Variants in THADA observed in about 807,000 individuals in gnomAD.
The protein encoded by THADA is tRNA (32-2'-O)-methyltransferase regulator THADA.
A neutral mutation model predicts 219.8 loss-of-function variants in THADA; 213 were observed. The ratio of observed to expected loss-of-function variants is 0.97; its 90% CI spans 0.87 to 1.09. The LOEUF is 1.09. Among genes scored for constraint, THADA ranks in the 50% least tolerant of loss-of-function variants. THADA has a pLI of 0.00. For synonymous variants in THADA, 1,018 were observed against 828.9 expected (o/e 1.23, Z -3.92); for missense variants, 2,956 against 2,311.3 (o/e 1.28, Z -5.72).
chr2:43,572,012 G>C, intron 12 of THADA, 150 bp from the exon 13 acceptor site: 2 of 630,348 alleles, frequency 3.2e-6, no homozygotes, highest in Non-Finnish European at 5.4e-6. Context: ...TAATCTCAAA[G>C]ATCCTAGGGT....
intron 26 of THADA, among the ~76,000 whole-genome samples, chr2:43,448,560 C>CTTTTTTTTTTTTTTTTTTTTCTTTTTT (rs71410179): frequency 9.7e-6 from 1 of 103,626 alleles, no homozygotes; most frequent in African/African-American, 3.6e-5. Flanking sequence ...TTCTTCCTTT[C>CTTTTTTTTTTTTTTTTTTTTCTTTTTT]TTTTTTTTTT....
chr2:43,513,549 A>G (rs908264407), intron 22 of THADA, among the ~76,000 whole-genome samples: 1 of 152,216 alleles, frequency 6.6e-6, no homozygotes, highest in African/African-American at 2.4e-5. Context: ...GGAAAAGCCA[A>G]GGGCACAGGG....
chr2:43,494,306 C>A (rs1688002588), intron 25 of THADA, among the ~76,000 whole-genome samples: 1 of 152,184 alleles, frequency 6.6e-6, no homozygotes, highest in African/African-American at 2.4e-5. Context: ...TTGGTAATAT[C>A]ATTCATCTTT....
intron 26 of THADA, among the ~76,000 whole-genome samples, chr2:43,455,097 G>C (rs939213841): frequency 5.9e-5 from 9 of 152,080 alleles, no homozygotes; most frequent in Non-Finnish European, 1.3e-4. Context: ...ACTTCTGTAA[G>C]TTGAATGTTC....
intron 28 of THADA, among the ~76,000 whole-genome samples, chr2:43,413,502 C>T (rs1325745581): frequency 6.6e-6 from 1 of 152,136 alleles, no homozygotes; most frequent in Non-Finnish European, 1.5e-5. Context: ...TGCCAGATAC[C>T]ACAGATGAGG....
chr2:43,432,311 C>T (rs563777743), intron 26 of THADA, among the ~76,000 whole-genome samples: 39 of 152,240 alleles, frequency 2.6e-4, no homozygotes, highest in Non-Finnish European at 3.8e-4. Flanking sequence ...TTTTGGCTTG[C>T]TTTTTTCACT....
At chr2:43,359,633 T>C (rs533570048) in intron 29 of THADA, among the ~76,000 whole-genome samples, 7 of 152,298 alleles carry the variant, frequency 4.6e-5, no homozygotes, top group Non-Finnish European at 1.0e-4. Flanking sequence ...TGAGCGAAGA[T>C]TGCGCCACTG....
At chr2:43,532,792 T>C (rs1281733241) in intron 21 of THADA, among the ~76,000 whole-genome samples, 1 of 152,114 alleles carries the variant, frequency 6.6e-6, no homozygotes, top group Admixed American at 6.5e-5. Context: ...ATAAAAACCC[T>C]AGAAGAAAAC....
At chr2:43,310,111 C>G (rs888785888) in intron 31 of THADA, among the ~76,000 whole-genome samples, 7 of 151,980 alleles carry the variant, frequency 4.6e-5, no homozygotes, top group African/African-American at 1.5e-4. Context: ...GATTTAAAGA[C>G]ATCATATTGT....
At chr2:43,586,324 CTT>C in intron 7 of THADA, 75 bp downstream of exon 7, 1 of 1,225,190 alleles carries the variant, frequency 8.2e-7, no homozygotes, top group South Asian at 1.6e-5. Flanking sequence ...CATTCTGAGA[CTT>C]TTAAATTTTT....
chr2:43,383,517 A>G (rs1249058208), intron 29 of THADA, among the ~76,000 whole-genome samples: 1 of 152,256 alleles, frequency 6.6e-6, no homozygotes, highest in African/African-American at 2.4e-5. Flanking sequence ...TGTTAGGTTC[A>G]GCTGGTCCAA....
intron 36 of THADA, among the ~76,000 whole-genome samples, chr2:43,244,115 C>T (rs1668888958): frequency 6.6e-6 from 1 of 152,194 alleles, no homozygotes; most frequent in African/African-American, 2.4e-5. Context: ...CACCTCAAAA[C>T]ACTGGGTAAA....
intron 26 of THADA, among the ~76,000 whole-genome samples, chr2:43,464,854 C>T (rs1004368758): frequency 2.0e-5 from 3 of 152,080 alleles, no homozygotes; most frequent in African/African-American, 7.2e-5. Flanking sequence ...TTTTGACAGA[C>T]TTCTGCTTGC....
intron 25 of THADA, among the ~76,000 whole-genome samples, chr2:43,494,778 C>T (rs1688064052): frequency 1.3e-5 from 2 of 152,042 alleles, no homozygotes; most frequent in African/African-American, 2.4e-5. Flanking sequence ...TGTCTAATGC[C>T]GAAAATATTT....
intron 30 of THADA, among the ~76,000 whole-genome samples, chr2:43,325,609 G>T (rs1335454964): frequency 6.6e-6 from 1 of 151,882 alleles, no homozygotes; most frequent in African/African-American, 2.4e-5. Flanking sequence ...GAAGAAGAAG[G>T]GAGAAAAGGA....
intron 26 of THADA, among the ~76,000 whole-genome samples, chr2:43,465,162 T>C (rs1410609250): frequency 6.6e-6 from 1 of 152,226 alleles, no homozygotes; most frequent in Non-Finnish European, 1.5e-5. Context: ...TCTTGGTTTC[T>C]AATTAAAGAA....
intron 29 of THADA, among the ~76,000 whole-genome samples, chr2:43,396,174 C>T (rs910881962): frequency 2.6e-5 from 4 of 152,244 alleles, no homozygotes; most frequent in African/African-American, 9.6e-5. Context: ...CCTAGAACTT[C>T]AGTCCCACCC....
intron 28 of THADA, among the ~76,000 whole-genome samples, chr2:43,407,778 G>T (rs1387923688): frequency 6.6e-6 from 1 of 151,786 alleles, no homozygotes; most frequent in Non-Finnish European, 1.5e-5. Context: ...CTCATTTTTA[G>T]TACTTAGATA....
intron 26 of THADA, among the ~76,000 whole-genome samples, chr2:43,452,316 T>G (rs1468328853): frequency 6.6e-6 from 1 of 152,134 alleles, no homozygotes; most frequent in Admixed American, 6.5e-5. Flanking sequence ...GTCCCATATT[T>G]CAAGGAACAT....
Sources: allele counts gnomAD v4.1 joint callset (sites outside exome capture counted in the v4.1 genomes callset), GRCh38; gene constraint gnomAD v4.1.1; transcripts MANE v1.5; gene names NCBI Gene and HGNC (gene_info 2026-07-23, HGNC 2026-07-21).